Variants in MCCC1 observed in about 807,000 individuals in gnomAD.
MCCC1 encodes the protein methylcrotonyl-CoA carboxylase subunit 1.
MCCC1 carries 64 observed loss-of-function variants against 83.8 expected under a neutral mutation model. The observed-to-expected ratio is 0.76, with a 90% confidence interval of 0.62 to 0.94. The LOEUF (loss-of-function observed/expected upper bound fraction) is 0.94. Among genes scored for constraint, MCCC1 ranks in the 40% least tolerant of loss-of-function variants. The pLI is 0.00. For synonymous variants in MCCC1, 322 were observed against 315.4 expected (o/e 1.02, Z -0.22); for missense variants, 807 against 904.7 (o/e 0.89, Z 1.39).
chr3:183,103,935 G>A (rs1013655931), upstream of MCCC1, among the ~76,000 whole-genome samples: 5 of 152,198 alleles, frequency 3.3e-5, no homozygotes, highest in Non-Finnish European at 7.4e-5. Flanking sequence ...GCGCAGCGCC[G>A]GTGGGCCGGC....
chr3:183,053,871 T>A (rs1343603888), intron 8 of MCCC1, among the ~76,000 whole-genome samples: 1 of 144,670 alleles, frequency 6.9e-6, no homozygotes. Context: ...ATTAAGGCTA[T>A]AAAGAATTTT....
At chr3:183,023,336 T>C (rs999535235) in intron 15 of MCCC1, among the ~76,000 whole-genome samples, 6 of 152,244 alleles carry the variant, frequency 3.9e-5, no homozygotes, top group Non-Finnish European at 7.3e-5. Context: ...TATTTACACA[T>C]TGGTTCTCAT....
intron 7 of MCCC1, among the ~76,000 whole-genome samples, chr3:183,065,126 T>TA (rs1716156772): frequency 6.6e-6 from 1 of 151,964 alleles, no homozygotes. Context: ...TACCTTAGGA[T>TA]AAAACACAGG....
At chr3:183,016,558 A>G (rs1409041058) in intron 18 of MCCC1, among the ~76,000 whole-genome samples, 2 of 151,944 alleles carry the variant, frequency 1.3e-5, no homozygotes, top group African/African-American at 4.8e-5. Flanking sequence ...CTTGGGCTCT[A>G]CTCCTGGAGA....
At chr3:183,099,528 C>G (rs560513703), upstream of MCCC1, 3 of 1,496,260 alleles carry the variant, frequency 2.0e-6, no homozygotes, top group Non-Finnish European at 1.8e-6. Context: ...TACGAAGCCT[C>G]GTGACCCCCG....
chr3:183,061,931 G>A (rs574376118), intron 7 of MCCC1, among the ~76,000 whole-genome samples: 19 of 152,154 alleles, frequency 1.2e-4, no homozygotes, highest in Non-Finnish European at 2.2e-4. Flanking sequence ...GGAGGGACCC[G>A]GCGGGAGGTA....
chr3:183,058,858 C>T (rs1225756226), intron 7 of MCCC1, among the ~76,000 whole-genome samples: 1 of 151,892 alleles, frequency 6.6e-6, no homozygotes, highest in Admixed American at 6.6e-5. Flanking sequence ...AAGTGATCAG[C>T]AAATATGTTT....
intron 9 of MCCC1, among the ~76,000 whole-genome samples, chr3:183,048,066 C>T (rs567429387): frequency 1.3e-4 from 20 of 152,244 alleles, no homozygotes; most frequent in African/African-American, 3.9e-4. Context: ...AATTTTTCAG[C>T]TGCATTTTAA....
At chr3:183,019,076 C>T (rs1711928992) in intron 17 of MCCC1, among the ~76,000 whole-genome samples, 1 of 152,200 alleles carries the variant, frequency 6.6e-6, no homozygotes. Flanking sequence ...GGTCTCCTAG[C>T]TCATACCCAC....
intron 4 of MCCC1, among the ~76,000 whole-genome samples, chr3:183,074,471 G>A (rs745365555): frequency 1.1e-4 from 16 of 152,140 alleles, no homozygotes; most frequent in Non-Finnish European, 2.4e-4. Context: ...AAATGTGAGC[G>A]AGTATTATAA....
At chr3:183,035,504 ATT>A (rs34764997) in intron 13 of MCCC1, among the ~76,000 whole-genome samples, 16 of 140,362 alleles carry the variant, frequency 1.1e-4, no homozygotes, top group Non-Finnish European at 1.1e-4. Flanking sequence ...TGAATTTCAG[ATT>A]TTTTTTTTTT....
chr3:183,090,543 T>C (rs937313307), intron 3 of MCCC1, among the ~76,000 whole-genome samples: 1 of 152,206 alleles, frequency 6.6e-6, no homozygotes, highest in Non-Finnish European at 1.5e-5. Flanking sequence ...CTAATATTTT[T>C]TCATGGTAAG....
chr3:183,102,550 C>G (rs1719330331), upstream of MCCC1, among the ~76,000 whole-genome samples: 1 of 151,880 alleles, frequency 6.6e-6, no homozygotes, highest in Admixed American at 6.6e-5. Flanking sequence ...AGGTCATTGA[C>G]AAAATCTGAC....
At chr3:183,017,438 A>G (rs959931808) in intron 17 of MCCC1, 101 bp from the exon 18 acceptor site, 36 of 1,025,300 alleles carry the variant, frequency 3.5e-5, no homozygotes, top group Non-Finnish European at 5.2e-5. Flanking sequence ...ATATATACTC[A>G]TAACATCATG....
chr3:183,052,640 C>T (rs969331014), intron 8 of MCCC1, among the ~76,000 whole-genome samples: 1 of 150,566 alleles, frequency 6.6e-6, no homozygotes, highest in Non-Finnish European at 1.5e-5. Flanking sequence ...AACCCTGTCT[C>T]TACTAAAAAT....
chr3:183,041,837 T>A, intron 10 of MCCC1, 87 bp from the exon 11 acceptor site: 1 of 1,460,346 alleles, frequency 6.8e-7, no homozygotes, highest in Non-Finnish European at 9.6e-7. Flanking sequence ...TTTTTCTAGG[T>A]AAAATGTACA....
At chr3:183,044,360 C>T (rs1263426049) in intron 10 of MCCC1, among the ~76,000 whole-genome samples, 2 of 152,142 alleles carry the variant, frequency 1.3e-5, no homozygotes, top group East Asian at 3.9e-4. Context: ...TACACCAGTG[C>T]TTCTCAAACT....
In MCCC1 at chr3:183,109,057, T is replaced by C. The variant is rs770394825; in HGVS notation, c.-102+6417A>G. Among the ~76,000 whole-genome samples the C allele has an allele frequency of 7.2e-5, 11 of 152,298 alleles. No homozygotes were observed. The Middle Eastern group carries it at 0.017, about 235-fold the overall frequency. On this transcript the variant is annotated intron_variant, in intron 1 of 17. Transcript: ENST00000492597. Reference sequence around the variant, plus strand: ...CCCAAGCTGGAGTGCAGTGGCGCGATCTCGGCTCACTACAACCTCCGCCTC... The same window carrying C: ...CCCAAGCTGGAGTGCAGTGGCGCGACCTCGGCTCACTACAACCTCCGCCTC...
At chr3:183,042,363 T>C (rs73886205) in intron 10 of MCCC1, among the ~76,000 whole-genome samples, 4,029 of 152,320 alleles carry the variant, frequency 0.026, 157 homozygotes, top group East Asian at 0.094. Flanking sequence ...TTTTAGTTAT[T>C]ATGTACCAAT....
Sources: gnomAD v4.1 joint callset for allele counts (sites outside exome capture counted in the v4.1 genomes callset) on GRCh38, gnomAD v4.1.1 for gene constraint, MANE v1.5 for transcripts, NCBI Gene and HGNC (gene_info 2026-07-23, HGNC 2026-07-21) for gene names.